SSH2: variants seen among roughly 807,000 people sequenced by gnomAD.
The protein encoded by SSH2 is slingshot protein phosphatase 2, also known as protein phosphatase Slingshot homolog 2.
Under a neutral mutation model 135.2 loss-of-function variants are expected in SSH2, and 37 were observed. The observed-to-expected ratio is 0.27, with a 90% CI of 0.21 to 0.36. The LOEUF (loss-of-function observed/expected upper bound fraction) is 0.36, where lower values mean the gene tolerates loss of function less well. Among genes scored for constraint, SSH2 ranks in the 10% least tolerant of loss-of-function variants. The probability of loss-of-function intolerance (pLI) is 1.00; values close to 1 mark genes in which losing one functional copy is unlikely to be tolerated. For missense variants in SSH2, 1,408 were observed against 1,765.3 expected (o/e 0.80, Z 3.63); for synonymous variants, 628 against 646.2 (o/e 0.97, Z 0.43).
intron 3 of SSH2, among the ~76,000 whole-genome samples, chr17:29,790,729 A>ATT (rs202130886): frequency 3.1e-4 from 44 of 140,812 alleles, no homozygotes; most frequent in African/African-American, 1.0e-3. Context: ...GTACTGAAAG[A>ATT]TTTTTTTTTT....
At position 29,631,446 on chromosome 17, in the gene SSH2, T is replaced by C; in HGVS notation, c.3748A>G (p.Ser1250Gly). The change falls in exon 16 of 16, where the codon AGT becomes GGT. Residue 1250 changes from serine (S) to glycine (G), a missense_variant. By Grantham distance (56) the Ser-to-Gly change is moderately conservative (BLOSUM62 0). Around this residue, in one of 3 missense-constraint regions of SSH2, gnomAD observed 1,080 missense variants for 1,144.5 expected, o/e 0.94. Coordinates refer to ENST00000540801, the MANE Select transcript of SSH2 (RefSeq NM_001282129.2). ...PHSSSSENIK[S>G]LSHSPGVVKE... Reference sequence around the variant, plus strand: ...ACCACACCGGGGCTGTGGCTGAGACTCTTTATGTTTTCACTACTAGAGCTA... The same window carrying C: ...ACCACACCGGGGCTGTGGCTGAGACCCTTTATGTTTTCACTACTAGAGCTA... 1 of 1,614,150 alleles carries C rather than the reference T, an allele frequency of 6.2e-7. No individual in the cohort carries two copies. The highest frequency in any genetic ancestry group is 8.5e-7 in the Non-Finnish European group (1 of 1,180,014).
At chr17:29,757,606 AGTGGCTGGGCACGGTAGCGCACTCCTGC>A (rs1346024738) in intron 3 of SSH2, among the ~76,000 whole-genome samples, 16 of 151,994 alleles carry the variant, frequency 1.1e-4, no homozygotes, top group African/African-American at 3.6e-4. Context: ...AGAAAAAAGA[AGTGGCTGGGCACGGTAGCGCACTCCTGC>A]AATCCCAGCA....
intron 3 of SSH2, among the ~76,000 whole-genome samples, chr17:29,756,166 G>C (rs1031313354): frequency 3.3e-5 from 5 of 151,350 alleles, no homozygotes; most frequent in Middle Eastern, 3.2e-3. Context: ...CCAGCTACTC[G>C]GGAGGCTGAG....
At chr17:29,651,334 A>C (rs2036570317) in intron 12 of SSH2, among the ~76,000 whole-genome samples, 1 of 152,234 alleles carries the variant, frequency 6.6e-6, no homozygotes, top group African/African-American at 2.4e-5. Context: ...ACTACATGAA[A>C]GGCAAATGAG....
In SSH2 at chr17:29,632,255, G is replaced by C. The variant is rs762300811; in HGVS notation, c.2939C>G (p.Thr980Ser). The part of the protein sequence containing the change: ...GSLSHSEQNA[T>S]VPAPRVLEFD... ...CTCCAGCACCCTGGGAGCTGGAACA[G>C]TGGCATTCTGCTCAGAATGGGACAG... is the stretch of plus-strand genomic sequence containing the variant. Residue 980 changes from threonine (T) to serine (S), a missense_variant, in exon 16 of 16, where the codon ACT (threonine) becomes AGT (serine). Around this residue, in one of 3 missense-constraint regions of SSH2, gnomAD observed 1,080 missense variants for 1,144.5 expected, o/e 0.94. Coordinates refer to ENST00000540801, the MANE Select transcript of SSH2 (RefSeq NM_001282129.2). 6.2e-7 allele frequency: 1 copy of C among 1,614,082 alleles called. No homozygotes were observed. The highest frequency in any genetic ancestry group is 8.5e-7 in the Non-Finnish European group (1 of 1,179,996).
intron 3 of SSH2, among the ~76,000 whole-genome samples, chr17:29,748,854 A>C (rs2040842091): frequency 6.6e-6 from 1 of 152,258 alleles, no homozygotes; most frequent in Admixed American, 6.5e-5. Flanking sequence ...GGACGAAGAC[A>C]GCAAAGATTC....
At chr17:29,778,651 T>A (rs1436446388) in intron 3 of SSH2, among the ~76,000 whole-genome samples, 22 of 134,486 alleles carry the variant, frequency 1.6e-4, no homozygotes, top group Admixed American at 5.4e-4. Flanking sequence ...AAAAAATAAA[T>A]AAATAAATAA....
rs1193493651 is a variant in SSH2 at position 29,636,262 on chromosome 17, A to C, written c.1968T>G (p.Pro656=). The part of the protein sequence containing the change: ...PLKDPPMSPD[P]ESPSPQPSCQ... ...AACTGGGTTGGGGGCTTGGTGACTC[A>C]GGATCAGGGGACATGGGGGGGTCTT... Residue 656 remains proline, a synonymous_variant, in exon 15 of 16, where the codon CCT becomes CCG. Transcript: ENST00000540801. The C allele has an allele frequency of 4.3e-6, 7 of 1,613,996 alleles. No homozygotes were observed. The Admixed American group carries it at 1.0e-4, about 23-fold the overall frequency.
intron 3 of SSH2, chr17:29,761,010 C>A: frequency 3.5e-6 from 3 of 851,894 alleles, no homozygotes; most frequent in Non-Finnish European, 4.9e-6. Flanking sequence ...TCCCTCCAGA[C>A]GCACGGAGAC....
At chr17:29,835,327 C>A (rs1256918191) in intron 2 of SSH2, among the ~76,000 whole-genome samples, 2 of 152,050 alleles carry the variant, frequency 1.3e-5, no homozygotes, top group Admixed American at 6.6e-5. Flanking sequence ...AAAACAACAA[C>A]AAAAAAAACT....
At chr17:29,666,800 T>C (rs2037297724) in intron 11 of SSH2, 67 bp downstream of exon 11, 2 of 1,457,954 alleles carry the variant, frequency 1.4e-6, no homozygotes, top group African/African-American at 1.4e-5. Flanking sequence ...AATTTAATAA[T>C]TACCCCTGCC....
In SSH2 at chr17:29,913,347, A is replaced by AAAAAAAAAAAAAAAAATT; in HGVS notation, c.63+16590_63+16591insAATTTTTTTTTTTTTTTT. Among the ~76,000 whole-genome samples, 3 of 28,786 alleles carry AAAAAAAAAAAAAAAAATT rather than the reference A, an allele frequency of 1.0e-4. 1 individual carries two copies. The highest frequency in any genetic ancestry group is 1.8e-4 in the Non-Finnish European group (3 of 16,996). 18.9% of individuals were successfully genotyped at this position (28,786 alleles called of 152,430 possible). A position where few individuals can be genotyped will look rare whatever the true frequency, so the allele number is the denominator to read the frequency against. ...AAAAAAAAAAAAAAAAAAAAAAAAA[A>AAAAAAAAAAAAAAAAATT]ATATATATATATATATATATATATA... On this transcript the variant is annotated intron_variant, in intron 1 of 15. Transcript: ENST00000540801.
At chr17:29,879,593 G>T (rs1349988793) in intron 1 of SSH2, among the ~76,000 whole-genome samples, 1 of 151,912 alleles carries the variant, frequency 6.6e-6, no homozygotes, top group African/African-American at 2.4e-5. Context: ...TACCTACTAG[G>T]TGTTTTTGTG....
intron 14 of SSH2, among the ~76,000 whole-genome samples, chr17:29,647,300 C>T (rs920580333): frequency 3.3e-5 from 5 of 150,550 alleles, no homozygotes; most frequent in African/African-American, 9.8e-5. Flanking sequence ...TGCAGCGAGC[C>T]GAGACTGTGC....
intron 12 of SSH2, 137 bp downstream of exon 12, chr17:29,655,424 G>C: frequency 2.3e-6 from 2 of 855,458 alleles, no homozygotes; most frequent in South Asian, 1.4e-5. Context: ...ATTTTTCTTA[G>C]ATTACATCTG....
intron 5 of SSH2, 45 bp downstream of exon 5, chr17:29,695,414 G>A (rs770886619): frequency 1.8e-5 from 27 of 1,530,602 alleles, no homozygotes; most frequent in Non-Finnish European, 2.3e-5. Flanking sequence ...GGCTATCTTA[G>A]ATAGTCTTTT....
intron 14 of SSH2, chr17:29,643,399 T>G (rs1567837932): frequency 2.8e-6 from 1 of 353,276 alleles, no homozygotes; most frequent in Non-Finnish European, 3.9e-6. Context: ...ATCCAGAGGA[T>G]AAATGTGAAT....
chr17:29,738,382 A>G (rs1316904712), intron 3 of SSH2, among the ~76,000 whole-genome samples: 2 of 152,180 alleles, frequency 1.3e-5, no homozygotes, highest in Admixed American at 1.3e-4. Flanking sequence ...GTGCCGCAAT[A>G]AACATACGTG....
At chr17:29,721,386 A>G (rs545358131) in intron 3 of SSH2, among the ~76,000 whole-genome samples, 1 of 152,328 alleles carries the variant, frequency 6.6e-6, no homozygotes, top group East Asian at 1.9e-4. Context: ...GCTAGGTCCT[A>G]TAATCTACCC....
Sources: gnomAD v4.1 joint callset for allele counts (sites outside exome capture counted in the v4.1 genomes callset) on GRCh38, gnomAD v4.1.1 for gene constraint, gnomAD v4.1.1 regional missense constraint, MANE v1.5 for transcripts, NCBI Gene and HGNC (gene_info 2026-07-23, HGNC 2026-07-21) for gene names.